KHDRBS2: variants seen among roughly 807,000 people sequenced by gnomAD.
KHDRBS2 encodes KH RNA binding domain containing, signal transduction associated 2, also known as KH domain-containing, RNA-binding, signal transduction-associated protein 2.
In KHDRBS2, 26 loss-of-function variants were observed where a neutral mutation model predicts 44.3. That is an observed-to-expected ratio of 0.59 (90% CI 0.43 to 0.81). The LOEUF (loss-of-function observed/expected upper bound fraction) is 0.81. KHDRBS2 is among the 40% of genes least tolerant of loss of function. The probability of loss-of-function intolerance (pLI) is 0.00; values close to 1 mark genes in which losing one functional copy is unlikely to be tolerated. For missense variants in KHDRBS2, 476 were observed against 433.1 expected, an observed-to-expected ratio of 1.10 and a Z score of -0.88; for synonymous variants, 194 against 151.1, an observed-to-expected ratio of 1.28 and a Z score of -2.08.
intron 6 of KHDRBS2, among the ~76,000 whole-genome samples, chr6:61,887,393 G>T (rs1402278803): frequency 1.3e-5 from 2 of 152,112 alleles, no homozygotes; most frequent in African/African-American, 4.8e-5. Flanking sequence ...CAATCATGAA[G>T]ATGGATCTGT....
intron 1 of KHDRBS2, among the ~76,000 whole-genome samples, chr6:62,279,163 C>CA (rs1440086018): frequency 1.3e-5 from 2 of 151,770 alleles, no homozygotes; most frequent in African/African-American, 2.4e-5. Flanking sequence ...ATCCAAACAA[C>CA]AAAGAAACAA....
At chr6:61,848,466 GTT>G (rs1388113141) in intron 6 of KHDRBS2, among the ~76,000 whole-genome samples, 9 of 81,300 alleles carry the variant, frequency 1.1e-4, no homozygotes, top group Admixed American at 4.3e-4. Context: ...AGAAATGGAG[GTT>G]TTATATATAT....
chr6:61,575,076 C>T, the KHDRBS2 span, among the ~76,000 whole-genome samples: 1 of 152,080 alleles, frequency 6.6e-6, no homozygotes, highest in Non-Finnish European at 1.5e-5. Context: ...GACCAAGAAC[C>T]CAAAAGCAAA....
chr6:62,106,276 C>G (rs111678982), intron 2 of KHDRBS2, among the ~76,000 whole-genome samples: 4,949 of 152,132 alleles, frequency 0.033, 274 homozygotes, highest in African/African-American at 0.11. Flanking sequence ...GTGGAGAGTT[C>G]TGTAGATGTC....
chr6:61,676,161 T>C (rs544206625), downstream of KHDRBS2, among the ~76,000 whole-genome samples: 3 of 151,798 alleles, frequency 2.0e-5, no homozygotes, highest in Non-Finnish European at 4.4e-5. Context: ...ATGGTTTTTG[T>C]TCAAATAAAA....
At chr6:62,172,809 G>A (rs1252349324) in intron 2 of KHDRBS2, among the ~76,000 whole-genome samples, 6 of 150,826 alleles carry the variant, frequency 4.0e-5, no homozygotes, top group Admixed American at 6.6e-5. Flanking sequence ...ACAGAATTAC[G>A]TGGAAATTAA....
chr6:61,838,295 A>T (rs576019769), intron 6 of KHDRBS2, among the ~76,000 whole-genome samples: 27 of 152,058 alleles, frequency 1.8e-4, no homozygotes, highest in Non-Finnish European at 3.5e-4. Context: ...AAATTAAAAC[A>T]TCATTAATAA....
the KHDRBS2 span, among the ~76,000 whole-genome samples, chr6:61,581,694 T>C: frequency 1.3e-5 from 2 of 149,616 alleles, no homozygotes; most frequent in Admixed American, 6.7e-5. Context: ...TAGAAAGAAA[T>C]AAATTGACTT....
intron 1 of KHDRBS2, among the ~76,000 whole-genome samples, chr6:62,215,430 T>A (rs536630731): frequency 6.6e-6 from 1 of 151,798 alleles, no homozygotes; most frequent in Non-Finnish European, 1.5e-5. Context: ...CTCAACCATA[T>A]AAGCCACTCC....
intron 2 of KHDRBS2, among the ~76,000 whole-genome samples, chr6:62,079,069 A>G (rs148980512): frequency 6.2e-4 from 94 of 152,170 alleles, no homozygotes; most frequent in African/African-American, 2.2e-3. Context: ...ACATATCTAA[A>G]AAAATTGCTT....
chr6:62,182,519 A>AT (rs1326188957), intron 1 of KHDRBS2, among the ~76,000 whole-genome samples: 1 of 151,996 alleles, frequency 6.6e-6, no homozygotes, highest in Non-Finnish European at 1.5e-5. Flanking sequence ...GAGGTGATAG[A>AT]TAATGACTAT....
intron 4 of KHDRBS2, among the ~76,000 whole-genome samples, chr6:61,953,005 A>C (rs1765092845): frequency 6.6e-6 from 1 of 151,942 alleles, no homozygotes; most frequent in Admixed American, 6.6e-5. Context: ...TATATTTGTA[A>C]ACATTTTAAA....
chr6:62,041,183 TAGC>T (rs1786405764), intron 3 of KHDRBS2, among the ~76,000 whole-genome samples: 1 of 151,920 alleles, frequency 6.6e-6, no homozygotes. Context: ...ATACAAAAAT[TAGC>T]AGGGCATGGT....
the KHDRBS2 span, among the ~76,000 whole-genome samples, chr6:61,613,692 G>A: frequency 7.2e-5 from 11 of 152,060 alleles, no homozygotes; most frequent in Non-Finnish European, 1.2e-4. Context: ...TCTTGATTCA[G>A]GGTATTAATT....
intron 6 of KHDRBS2, among the ~76,000 whole-genome samples, chr6:61,882,076 A>T (rs1800285115): frequency 6.6e-6 from 1 of 152,058 alleles, no homozygotes; most frequent in South Asian, 2.1e-4. Flanking sequence ...TAGAAGCAAA[A>T]TATCTCTTGT....
the KHDRBS2 span, among the ~76,000 whole-genome samples, chr6:61,663,499 C>CTATATATATATATATATATA: frequency 1.8e-4 from 1 of 5,630 alleles, no homozygotes; most frequent in Non-Finnish European, 3.1e-4. Context: ...GCATGAGACA[C>CTATATATATATATATATATA]CATATATATA....
chr6:61,889,172 A>G (rs1418799568), intron 6 of KHDRBS2, among the ~76,000 whole-genome samples: 1 of 152,214 alleles, frequency 6.6e-6, no homozygotes, highest in Non-Finnish European at 1.5e-5. Flanking sequence ...ATGCATGCTT[A>G]TAAGTGCTTA....
At chr6:61,955,065 C>A (rs1766266878) in intron 4 of KHDRBS2, among the ~76,000 whole-genome samples, 1 of 142,354 alleles carries the variant, frequency 7.0e-6, no homozygotes. Flanking sequence ...TGTATGTATA[C>A]ACATATACGT....
intron 2 of KHDRBS2, among the ~76,000 whole-genome samples, chr6:62,060,992 C>A (rs958928213): frequency 6.6e-6 from 1 of 151,842 alleles, no homozygotes; most frequent in South Asian, 2.1e-4. Flanking sequence ...ACTAGGATTG[C>A]AACCCTTGCC....
Sources: allele counts gnomAD v4.1 joint callset (sites outside exome capture counted in the v4.1 genomes callset), GRCh38; gene constraint gnomAD v4.1.1; transcripts MANE v1.5; gene names NCBI Gene and HGNC (gene_info 2026-07-23, HGNC 2026-07-21).